PEBP4: variants seen among roughly 807,000 people sequenced by gnomAD.
PEBP4 encodes phosphatidylethanolamine binding protein 4, also known as phosphatidylethanolamine-binding protein 4.
In PEBP4, 22 loss-of-function variants were observed where a neutral mutation model predicts 23.9. That is an observed-to-expected ratio of 0.92 (90% CI 0.66 to 1.31). The LOEUF is 1.31. PEBP4 is among the 40% of genes most tolerant of loss of function. The probability of loss-of-function intolerance (pLI) is 0.00; values close to 1 mark genes in which losing one functional copy is unlikely to be tolerated. For synonymous variants in PEBP4, 112 were observed against 99.3 expected, an observed-to-expected ratio of 1.13 and a Z score of -0.76; for missense variants, 324 against 281.7, an observed-to-expected ratio of 1.15 and a Z score of -1.07.
chr8:22,872,852 T>G (rs1483928390), intron 3 of PEBP4, among the ~76,000 whole-genome samples: 1 of 152,126 alleles, frequency 6.6e-6, no homozygotes, highest in Admixed American at 6.5e-5. Context: ...AATTTTTGTA[T>G]TTTTAGTAGA....
At chr8:22,717,323 C>A (rs1408089062) in intron 6 of PEBP4, among the ~76,000 whole-genome samples, 1 of 152,236 alleles carries the variant, frequency 6.6e-6, no homozygotes, top group Non-Finnish European at 1.5e-5. Context: ...GGGTGTGAGT[C>A]ACTGCACCTA....
intron 3 of PEBP4, among the ~76,000 whole-genome samples, chr8:22,828,371 CT>C (rs1473324257): frequency 3.3e-5 from 5 of 152,174 alleles, no homozygotes; most frequent in African/African-American, 1.2e-4. Flanking sequence ...CTGAAATGTT[CT>C]TTTCTTCTTT....
chr8:22,785,942 G>T (rs963047892), intron 4 of PEBP4, among the ~76,000 whole-genome samples: 1 of 152,194 alleles, frequency 6.6e-6, no homozygotes, highest in African/African-American at 2.4e-5. Flanking sequence ...CTGGATAGGT[G>T]GATTCACTTC....
At chr8:22,770,058 G>C (rs758837322) in intron 4 of PEBP4, among the ~76,000 whole-genome samples, 1 of 152,166 alleles carries the variant, frequency 6.6e-6, no homozygotes, top group Non-Finnish European at 1.5e-5. Context: ...CCTTCGAAAT[G>C]CTTCAGTTTC....
chr8:22,727,371 G>T, intron 4 of PEBP4, 151 bp from the exon 5 acceptor site: 2 of 764,520 alleles, frequency 2.6e-6, no homozygotes, highest in Non-Finnish European at 4.4e-6. Flanking sequence ...AGGAAAATGG[G>T]AGAGCAGGAG....
At chr8:22,779,082 G>A (rs563944833) in intron 4 of PEBP4, among the ~76,000 whole-genome samples, 1 of 146,468 alleles carries the variant, frequency 6.8e-6, no homozygotes, top group South Asian at 2.3e-4. Context: ...GGGAGGTGGG[G>A]GAGGAGGGGG....
intron 3 of PEBP4, among the ~76,000 whole-genome samples, chr8:22,857,075 C>T (rs184115118): frequency 6.6e-6 from 1 of 151,924 alleles, no homozygotes; most frequent in East Asian, 1.9e-4. Context: ...AAGTAAGATA[C>T]AATTGGTAAG....
intron 4 of PEBP4, among the ~76,000 whole-genome samples, chr8:22,756,476 T>A (rs1805384389): frequency 6.6e-6 from 1 of 152,200 alleles, no homozygotes; most frequent in African/African-American, 2.4e-5. Context: ...CTCTGCTGGA[T>A]GCATCTCTCC....
intron 3 of PEBP4, among the ~76,000 whole-genome samples, chr8:22,850,216 G>T (rs1807523598): frequency 6.6e-6 from 1 of 152,120 alleles, no homozygotes; most frequent in African/African-American, 2.4e-5. Flanking sequence ...TCTTCTTACT[G>T]CAATGCCTCC....
At chr8:22,724,228 C>T (rs747184205) in intron 6 of PEBP4, among the ~76,000 whole-genome samples, 24 of 152,174 alleles carry the variant, frequency 1.6e-4, no homozygotes, top group Non-Finnish European at 2.6e-4. Flanking sequence ...AAGTGGCCAC[C>T]GCTCCTGCTC....
chr8:22,907,792 C>T (rs1209984372), intron 3 of PEBP4, among the ~76,000 whole-genome samples: 1 of 152,082 alleles, frequency 6.6e-6, no homozygotes, highest in Non-Finnish European at 1.5e-5. Context: ...TTGAGGCAGG[C>T]AGAGGTGGTG....
Position 22,903,320 on chromosome 8 carries a change from C to T in PEBP4, c.258+16864G>A, listed in dbSNP as rs562479982. On this transcript the variant is annotated intron_variant, in intron 3 of 6. Transcript: ENST00000256404. Reference sequence around the variant, plus strand: ...TACCTCAGTTTTCTCATCTATAAAACGGGGATAATGATGGTTGTGAAGAGT... The same window carrying T: ...TACCTCAGTTTTCTCATCTATAAAATGGGGATAATGATGGTTGTGAAGAGT... Among the ~76,000 whole-genome samples the T allele has an allele frequency of 4.6e-5, 7 of 152,132 alleles. No individual in the cohort carries two copies. The South Asian group carries it at 6.2e-4, about 13-fold the overall frequency.
intron 4 of PEBP4, among the ~76,000 whole-genome samples, chr8:22,764,260 A>G (rs1420577366): frequency 6.6e-6 from 1 of 152,030 alleles, no homozygotes. Context: ...AATCTAATAC[A>G]CACACACACC....
At chr8:22,731,646 TATC>T (rs1563197272) in intron 4 of PEBP4, among the ~76,000 whole-genome samples, 3,648 of 103,788 alleles carry the variant, frequency 0.035, 162 homozygotes, top group African/African-American at 0.15. Flanking sequence ...TTTATTTATC[TATC>T]TATCTATTTA....
intron 3 of PEBP4, among the ~76,000 whole-genome samples, chr8:22,877,635 C>T (rs1808150221): frequency 9.0e-6 from 1 of 110,552 alleles, no homozygotes. Context: ...AGCCCAGCCA[C>T]CCTCACCCCA....
At chr8:22,846,158 C>A (rs1807431765) in intron 3 of PEBP4, among the ~76,000 whole-genome samples, 1 of 152,210 alleles carries the variant, frequency 6.6e-6, no homozygotes, top group Admixed American at 6.5e-5. Context: ...ACTGTGTGCA[C>A]AGATCAGGGC....
chr8:22,746,109 A>G (rs971787943), intron 4 of PEBP4, among the ~76,000 whole-genome samples: 1 of 139,362 alleles, frequency 7.2e-6, no homozygotes, highest in African/African-American at 2.6e-5. Context: ...TCATATTACT[A>G]TATTCAACTT....
Position 22,743,860 on chromosome 8 carries a change from C to T in PEBP4, c.358-16640G>A, listed in dbSNP as rs7820467. Among the ~76,000 whole-genome samples, 756 of 152,280 alleles carry T rather than the reference C, an allele frequency of 5.0e-3. 9 individuals are homozygous for T. Among genetic ancestry groups the T allele is most frequent in the African/African-American group, 0.017 (710 of 41,554 alleles). On this transcript the variant is annotated intron_variant, in intron 4 of 6. Transcript: ENST00000256404. ...CCAACACCTGAGCAGAACTAGACTC[C>T]GTGGAGGGTGGGGCTGGCCCGCTGA...
chr8:22,845,866 A>G (rs985547479), intron 3 of PEBP4, among the ~76,000 whole-genome samples: 4 of 152,222 alleles, frequency 2.6e-5, no homozygotes, highest in Non-Finnish European at 5.9e-5. Context: ...TGGACCTGGC[A>G]CGGGCCTGGC....
Sources: gnomAD v4.1 joint callset for allele counts (sites outside exome capture counted in the v4.1 genomes callset) on GRCh38, gnomAD v4.1.1 for gene constraint, MANE v1.5 for transcripts, NCBI Gene and HGNC (gene_info 2026-07-23, HGNC 2026-07-21) for gene names.